ZNF782: variants seen among roughly 807,000 people sequenced by gnomAD.
ZNF782 encodes zinc finger protein 782.
In ZNF782, 12 loss-of-function variants were observed where a neutral mutation model predicts 13.0. The ratio of observed to expected loss-of-function variants is 0.92; its 90% CI spans 0.59 to 1.50. The LOEUF (loss-of-function observed/expected upper bound fraction) is 1.50, where lower values mean the gene tolerates loss of function less well. ZNF782 is among the 40% of genes most tolerant of loss of function. ZNF782 has a pLI of 0.00. For missense variants in ZNF782, 770 were observed against 822.9 expected, an observed-to-expected ratio of 0.94 and a Z score of 0.79; for synonymous variants, 284 against 283.0, an observed-to-expected ratio of 1.00 and a Z score of -0.04.
At chr9:96,882,654 T>C in the ZNF782 span, among the ~76,000 whole-genome samples, 2 of 152,188 alleles carry the variant, frequency 1.3e-5, no homozygotes, top group Admixed American at 1.3e-4. Context: ...CCTGAAAGCA[T>C]CAGTAGGAAA....
At chr9:96,901,018 G>A in the ZNF782 span, among the ~76,000 whole-genome samples, 1 of 148,246 alleles carries the variant, frequency 6.7e-6, no homozygotes, top group Non-Finnish European at 1.5e-5. Context: ...AAATTAGCTG[G>A]GCATGGTGGT....
chr9:96,916,112 C>T, the ZNF782 span, among the ~76,000 whole-genome samples: 27 of 151,966 alleles, frequency 1.8e-4, no homozygotes, highest in Non-Finnish European at 4.4e-5. Context: ...CTTAAAGCTT[C>T]GTCTCTTCAC....
intron 4 of ZNF782, among the ~76,000 whole-genome samples, chr9:96,838,075 T>C (rs1236412235): frequency 6.6e-6 from 1 of 152,206 alleles, no homozygotes; most frequent in Non-Finnish European, 1.5e-5. Flanking sequence ...GATTATTGCT[T>C]TAGCTGCATT....
intron 4 of ZNF782, among the ~76,000 whole-genome samples, chr9:96,840,180 A>ATC (rs1473964873): frequency 1.3e-5 from 2 of 152,142 alleles, no homozygotes; most frequent in Non-Finnish European, 2.9e-5. Flanking sequence ...AATAATATAT[A>ATC]TTCACTTGGT....
At position 96,818,508 on chromosome 9, in the gene ZNF782, T is replaced by C. The variant is rs771244609; in HGVS notation, c.1515A>G (p.Pro505=). The change falls in exon 6 of 6, where the codon CCA becomes CCG. Residue 505 remains proline, a synonymous_variant. Transcript: ENST00000481138. ...CTTTCCCACATTCATCACATTTATA[T>C]GGTCTTTCCCCTGTGTGAGTTCTTC... The part of the protein sequence containing the change: ...NHRRTHTGER[P]YKCDECGKAF... 33 of 1,613,658 alleles carry C rather than the reference T, an allele frequency of 2.0e-5. No individual in the cohort carries two copies. The Admixed American group carries it at 3.2e-4, about 15-fold the overall frequency.
upstream of ZNF782, among the ~76,000 whole-genome samples, chr9:96,857,501 TA>T (rs1851657934): frequency 6.6e-6 from 1 of 152,234 alleles, no homozygotes; most frequent in Non-Finnish European, 1.5e-5. Context: ...CAAACTAAGC[TA>T]AATCAAAGGC....
chr9:96,825,911 G>A (rs1346449420), intron 5 of ZNF782, among the ~76,000 whole-genome samples: 4 of 150,582 alleles, frequency 2.7e-5, no homozygotes, highest in Non-Finnish European at 6.0e-5. Context: ...AGGTGCTGGA[G>A]AGGATGTGGA....
chr9:96,831,739 C>G (rs191909870), intron 4 of ZNF782, among the ~76,000 whole-genome samples: 40 of 151,288 alleles, frequency 2.6e-4, no homozygotes, highest in African/African-American at 9.2e-4. Context: ...TTGCTGTCTT[C>G]TTGGCAGACT....
At chr9:96,911,946 T>A in the ZNF782 span, among the ~76,000 whole-genome samples, 1 of 151,932 alleles carries the variant, frequency 6.6e-6, no homozygotes, top group Non-Finnish European at 1.5e-5. Flanking sequence ...ACGCCTGTAA[T>A]CCCAGCACTT....
the ZNF782 span, chr9:96,894,082 C>A: frequency 6.7e-6 from 1 of 150,216 alleles, no homozygotes; most frequent in Admixed American, 6.6e-5. Context: ...TCTGAGCAAA[C>A]TATCACAAGG....
chr9:96,837,758 A>G (rs2118628647), intron 4 of ZNF782, among the ~76,000 whole-genome samples: 1 of 152,240 alleles, frequency 6.6e-6, no homozygotes, highest in East Asian at 1.9e-4. Flanking sequence ...AATTTGTCTT[A>G]TGATTTTTTG....
At chr9:96,881,236 CTT>C in the ZNF782 span, among the ~76,000 whole-genome samples, 2 of 152,152 alleles carry the variant, frequency 1.3e-5, no homozygotes, top group East Asian at 1.9e-4. Flanking sequence ...TTGATTTCCT[CTT>C]TTGTTTTTAT....
chr9:96,931,706 T>C, the ZNF782 span: 3 of 1,611,210 alleles, frequency 1.9e-6, no homozygotes, highest in Non-Finnish European at 1.7e-6. Flanking sequence ...TTCACCTCTT[T>C]CCTTTGTCTC....
chr9:96,920,918 A>G, the ZNF782 span, among the ~76,000 whole-genome samples: 2 of 136,924 alleles, frequency 1.5e-5, no homozygotes, highest in Non-Finnish European at 3.0e-5. Context: ...CCATCTCAAA[A>G]ACAAAACATT....
the ZNF782 span, among the ~76,000 whole-genome samples, chr9:96,914,311 G>A: frequency 6.6e-5 from 10 of 150,512 alleles, no homozygotes; most frequent in Non-Finnish European, 1.2e-4. Flanking sequence ...TAGTAGAGAC[G>A]GGGTTTCACC....
chr9:96,918,063 A>C, the ZNF782 span, among the ~76,000 whole-genome samples: 5 of 151,200 alleles, frequency 3.3e-5, no homozygotes, highest in African/African-American at 1.2e-4. Flanking sequence ...TTTATTGCGC[A>C]CATTTAAAGT....
chr9:96,875,481 G>T (rs1395544420), exon 1 of ZNF782: 8 of 456,614 alleles, frequency 1.8e-5, no homozygotes, highest in Non-Finnish European at 3.5e-5. Context: ...TAATAAAGCT[G>T]GAATTTATGC....
intron 4 of ZNF782, among the ~76,000 whole-genome samples, chr9:96,841,827 A>G (rs1356396972): frequency 6.6e-6 from 1 of 151,750 alleles, no homozygotes; most frequent in Non-Finnish European, 1.5e-5. Context: ...TACCACTCTT[A>G]TTCTACACAG....
intron 4 of ZNF782, among the ~76,000 whole-genome samples, chr9:96,830,894 T>C (rs1045184302): frequency 6.6e-6 from 1 of 152,182 alleles, no homozygotes; most frequent in African/African-American, 2.4e-5. Flanking sequence ...GAAGTAGGTA[T>C]TTTAGAGTTG....
Sources: gnomAD v4.1 joint callset for allele counts (sites outside exome capture counted in the v4.1 genomes callset) on GRCh38, gnomAD v4.1.1 for gene constraint, MANE v1.5 for transcripts, NCBI Gene and HGNC (gene_info 2026-07-23, HGNC 2026-07-21) for gene names.